PRKCB: variants seen among roughly 807,000 people sequenced by gnomAD.
PRKCB encodes protein kinase C beta, also known as protein kinase C beta type.
A neutral mutation model predicts 81.5 loss-of-function variants in PRKCB; 13 were observed. The observed-to-expected ratio is 0.16, with a 90% CI of 0.10 to 0.25. The LOEUF (loss-of-function observed/expected upper bound fraction) is 0.25. PRKCB is among the 10% of genes least tolerant of loss of function. The pLI, the probability that PRKCB is intolerant of heterozygous loss-of-function variation, is 1.00. For missense variants in PRKCB, 509 were observed against 875.7 expected, an observed-to-expected ratio of 0.58 and a Z score of 5.29; for synonymous variants, 335 against 321.4, an observed-to-expected ratio of 1.04 and a Z score of -0.45.
At chr16:23,853,863 G>A (rs897740639) in intron 2 of PRKCB, among the ~76,000 whole-genome samples, 3 of 150,714 alleles carry the variant, frequency 2.0e-5, no homozygotes, top group African/African-American at 7.3e-5. Flanking sequence ...GCTAATAAAG[G>A]CATAACTGAG....
At chr16:23,930,576 A>T (rs932364978) in intron 2 of PRKCB, among the ~76,000 whole-genome samples, 1 of 146,314 alleles carries the variant, frequency 6.8e-6, no homozygotes, top group Non-Finnish European at 1.5e-5. Flanking sequence ...CTAAAAAAAA[A>T]TATGAAGTTG....
At chr16:23,905,050 T>C (rs1448189105) in intron 2 of PRKCB, among the ~76,000 whole-genome samples, 6 of 37,136 alleles carry the variant, frequency 1.6e-4, no homozygotes, top group Admixed American at 4.1e-4. Flanking sequence ...TTCTTTTTTT[T>C]TTTTTTAATA....
intron 2 of PRKCB, among the ~76,000 whole-genome samples, chr16:23,980,928 G>C (rs762118328): frequency 2.0e-5 from 3 of 152,018 alleles, no homozygotes; most frequent in African/African-American, 7.3e-5. Flanking sequence ...TGAGATCTCA[G>C]TGCTTTTCCT....
chr16:24,141,195 T>C (rs971798927), intron 9 of PRKCB, among the ~76,000 whole-genome samples: 1 of 152,084 alleles, frequency 6.6e-6, no homozygotes, highest in Non-Finnish European at 1.5e-5. Flanking sequence ...GTTTGTTTGT[T>C]TTTATTTTTT....
At chr16:23,988,414 G>A (rs1203442523) in intron 2 of PRKCB, 94 bp from the exon 3 acceptor site, 1 of 988,538 alleles carries the variant, frequency 1.0e-6, no homozygotes, top group African/African-American at 1.6e-5. Context: ...TGTTGGTGAA[G>A]TTCAAGTTTA....
intron 15 of PRKCB, among the ~76,000 whole-genome samples, chr16:24,186,083 A>C (rs1279212814): frequency 1.3e-5 from 2 of 152,218 alleles, no homozygotes; most frequent in East Asian, 3.8e-4. Flanking sequence ...TCCTCTCCCC[A>C]GACACACACA....
chr16:24,128,398 C>T (rs1271618108), intron 9 of PRKCB, among the ~76,000 whole-genome samples: 1 of 149,466 alleles, frequency 6.7e-6, no homozygotes, highest in Non-Finnish European at 1.5e-5. Context: ...AACAACAGCC[C>T]CACTAATAAT....
intron 3 of PRKCB, among the ~76,000 whole-genome samples, chr16:24,002,247 G>C (rs377305822): frequency 6.6e-6 from 1 of 152,138 alleles, no homozygotes; most frequent in African/African-American, 2.4e-5. Flanking sequence ...CACCAGGCTA[G>C]CTTAGTTTCA....
At chr16:23,988,915 C>G (rs753584741) in intron 3 of PRKCB, among the ~76,000 whole-genome samples, 1 of 151,950 alleles carries the variant, frequency 6.6e-6, no homozygotes, top group African/African-American at 2.4e-5. Context: ...TTGCAGTGCA[C>G]GTTATGGCAC....
chr16:24,157,408 C>T (rs1331061772), intron 10 of PRKCB, among the ~76,000 whole-genome samples: 1 of 152,100 alleles, frequency 6.6e-6, no homozygotes, highest in Admixed American at 6.5e-5. Context: ...TGAGTGAATT[C>T]TCACAAGATC....
rs73550432 is a variant in PRKCB, at chr16:24,216,996, C to T, written c.*2180C>T. On this transcript the variant is annotated 3_prime_UTR_variant, in exon 17 of 17. Coordinates refer to ENST00000643927, the MANE Select transcript of PRKCB (RefSeq NM_002738.7). ...CATGATCCCATTTTGCTTGGACATG[C>T]TCTCAGGAAGATAAAAACCATGGAG... The T allele has an allele frequency of 8.1e-6, 8 of 984,986 alleles. No individual in the cohort carries two copies. The highest frequency in any genetic ancestry group is 1.8e-5 in the African/African-American group (1 of 57,044). The allele number at this position is 984,986 out of a possible 1,614,324, so 61.0% of individuals were successfully genotyped here. A position where few individuals can be genotyped will look rare whatever the true frequency, so the allele number is the denominator to read the frequency against.
intron 3 of PRKCB, among the ~76,000 whole-genome samples, chr16:24,023,907 G>C (rs1173278937): frequency 2.0e-5 from 3 of 152,160 alleles, no homozygotes; most frequent in Non-Finnish European, 4.4e-5. Flanking sequence ...TGGTCTGTGG[G>C]CAGTCCCTGA....
intron 2 of PRKCB, among the ~76,000 whole-genome samples, chr16:23,900,727 T>TTTTTTTTTTTG (rs1322325324): frequency 1.5e-5 from 2 of 134,620 alleles, no homozygotes; most frequent in African/African-American, 5.9e-5. Flanking sequence ...GGTTTTTTTT[T>TTTTTTTTTTTG]TTTTTTTTTT....
rs117180665 is a variant in PRKCB, at chr16:23,968,414, G to A, written c.206-20094G>A. ...CGTCTGTAAAGAGGAAGAAGCAAGC[G>A]GAGGGAATAGTTTGGAGCCTATTGA... On this transcript the variant is annotated intron_variant, in intron 2 of 16. Coordinates refer to ENST00000643927, the MANE Select transcript of PRKCB (RefSeq NM_002738.7). Among the ~76,000 whole-genome samples the A allele has an allele frequency of 2.9e-4, 44 of 152,308 alleles. No individual in the cohort carries two copies. In the East Asian group the frequency reaches 5.6e-3, roughly 19 times the overall value.
chr16:24,137,152 G>A (rs1025321256), intron 9 of PRKCB, among the ~76,000 whole-genome samples: 3 of 151,666 alleles, frequency 2.0e-5, no homozygotes, highest in South Asian at 4.2e-4. Context: ...GCCTCCCAAA[G>A]TGCTGGGATT....
rs1322851357 is a variant in PRKCB, at chr16:23,944,848, C to T, written c.206-43660C>T. Among the ~76,000 whole-genome samples, 9 of 152,330 alleles carry T rather than the reference C, an allele frequency of 5.9e-5. No individual in the cohort carries two copies. The East Asian group carries it at 1.5e-3, about 26-fold the overall frequency. On this transcript the variant is annotated intron_variant, in intron 2 of 16. Coordinates refer to ENST00000643927, the MANE Select transcript of PRKCB (RefSeq NM_002738.7). ...GCTGAATTTCATGTGAATTGACTAGCTTCATGTCAGCATTTTAGGGAACAT... is the reference window on the plus strand; with the variant it reads ...GCTGAATTTCATGTGAATTGACTAGTTTCATGTCAGCATTTTAGGGAACAT...
chr16:23,865,141 A>G (rs942723772), intron 2 of PRKCB, among the ~76,000 whole-genome samples: 2 of 152,272 alleles, frequency 1.3e-5, no homozygotes, highest in Middle Eastern at 3.4e-3. Context: ...CTCAGGGATG[A>G]CTATGAACAC....
At chr16:24,191,513 G>T (rs1967793906) in intron 16 of PRKCB, 1 of 307,378 alleles carries the variant, frequency 3.3e-6, no homozygotes, top group Non-Finnish European at 6.0e-6. Context: ...TCTGAGAATG[G>T]TTCTTGGGTG....
At chr16:24,007,193 G>A (rs1359523010) in intron 3 of PRKCB, among the ~76,000 whole-genome samples, 1 of 152,094 alleles carries the variant, frequency 6.6e-6, no homozygotes, top group Admixed American at 6.5e-5. Flanking sequence ...CACCTCATAG[G>A]GTCCACGTGA....
Sources: gnomAD v4.1 joint callset for allele counts (sites outside exome capture counted in the v4.1 genomes callset) on GRCh38, gnomAD v4.1.1 for gene constraint, MANE v1.5 for transcripts, NCBI Gene and HGNC (gene_info 2026-07-23, HGNC 2026-07-21) for gene names.